Variants in DNAJB2 observed in about 807,000 individuals in gnomAD.
The protein encoded by DNAJB2 is DnaJ heat shock protein family (Hsp40) member B2, also known as dnaJ homolog subfamily B member 2.
DNAJB2 carries 19 observed loss-of-function variants against 33.3 expected under a neutral mutation model. The observed-to-expected ratio is 0.57, with a 90% CI of 0.40 to 0.84. DNAJB2 has a LOEUF of 0.84. Ranked by LOEUF, DNAJB2 falls within the 40% of genes least tolerant of loss-of-function variation. DNAJB2 has a pLI of 0.00. For missense variants in DNAJB2, 368 were observed against 430.9 expected (o/e 0.85, Z 1.29); for synonymous variants, 172 against 164.6 (o/e 1.04, Z -0.34).
Position 219,279,621 on chromosome 2 carries a change from G to T in DNAJB2, c.-37+103G>T. On this transcript the variant is annotated intron_variant, in intron 1 of 8. Coordinates refer to ENST00000336576, the MANE Select transcript of DNAJB2 (RefSeq NM_006736.6). The surrounding 1 kb of genome is among the most constrained non-coding windows in gnomAD (Gnocchi z 4.9). ...GGCCTGGGCGTCGAGATAGCTCTTG[G>T]CCCCGGCCTGCGGGGGCAGATAAGG... is the stretch of plus-strand genomic sequence containing the variant. The T allele has an allele frequency of 3.4e-6, 2 of 585,770 alleles. No individual in the cohort carries two copies. The highest frequency in any genetic ancestry group is 6.0e-6 in the Non-Finnish European group (2 of 331,734). 36.3% of individuals were successfully genotyped at this position (585,770 alleles called of 1,614,324 possible).
chr2:219,279,670 G>A lies in DNAJB2; in HGVS notation c.-36-128G>A. ...GGCTGCCGGAGGGAGCCTAGTCACCGGCCGCAAGCAGAGCCCGGTGTGCTC... is the reference window on the plus strand; with the variant it reads ...GGCTGCCGGAGGGAGCCTAGTCACCAGCCGCAAGCAGAGCCCGGTGTGCTC... On this transcript the variant is annotated intron_variant, in intron 1 of 8. Transcript: ENST00000336576. The surrounding 1 kb of genome is among the most constrained non-coding windows in gnomAD (Gnocchi z 4.9). The A allele has an allele frequency of 1.5e-6, 1 of 689,266 alleles. No individual in the cohort carries two copies. Among genetic ancestry groups the A allele is most frequent in the Non-Finnish European group, 2.4e-6 (1 of 417,240 alleles). The allele number at this position is 689,266 out of a possible 1,614,324, so 42.7% of individuals were successfully genotyped here. A position where few individuals can be genotyped will look rare whatever the true frequency, so the allele number is the denominator to read the frequency against.
At position 219,285,082 on chromosome 2, in the gene DNAJB2, G is replaced by T; in HGVS notation, c.*95G>T. The T allele has an allele frequency of 7.1e-7, 1 of 1,401,746 alleles. No homozygotes were observed. Among genetic ancestry groups the T allele is most frequent in the Non-Finnish European group, 9.3e-7 (1 of 1,070,792 alleles). The allele number at this position is 1,401,746 out of a possible 1,614,324, so 86.8% of individuals were successfully genotyped here. A position where few individuals can be genotyped will look rare whatever the true frequency, so the allele number is the denominator to read the frequency against. Reference sequence around the variant, plus strand: ...GGGAGTATCCTGAGTTGTAGGAACTGCTTTCCAACTCCAAGCTCCCTCCAC... The same window carrying T: ...GGGAGTATCCTGAGTTGTAGGAACTTCTTTCCAACTCCAAGCTCCCTCCAC... On this transcript the variant is annotated 3_prime_UTR_variant, in exon 9 of 9. Coordinates refer to ENST00000336576, the MANE Select transcript of DNAJB2 (RefSeq NM_006736.6).
rs1416423436 is a variant in DNAJB2 at position 219,280,587 on chromosome 2, C to T, written c.75C>T (p.Arg25=). The T allele has an allele frequency of 6.2e-7, 1 of 1,613,894 alleles. No homozygotes were observed. Among genetic ancestry groups the T allele is most frequent in the African/African-American group, 1.3e-5 (1 of 74,892 alleles). The change falls in exon 3 of 9, where the codon CGC becomes CGT. Residue 25 remains arginine, a synonymous_variant. Transcript: ENST00000336576. ...CACCCACTTTCTGCAGGTATCGGCGCAAGGCTCTCCAGTGGCACCCAGACA... is the reference window on the plus strand; with the variant it reads ...CACCCACTTTCTGCAGGTATCGGCGTAAGGCTCTCCAGTGGCACCCAGACA... ...SADDIKKAYR[R]KALQWHPDKN... is the part of the protein sequence containing the mutation.
chr2:219,279,430 A>C lies in DNAJB2; in HGVS notation c.-125A>C, dbSNP rs1020887628. The C allele has an allele frequency of 1.1e-5, 2 of 177,086 alleles. No individual in the cohort carries two copies. Among genetic ancestry groups the C allele is most frequent in the African/African-American group, 4.8e-5 (2 of 41,912 alleles). 11.0% of individuals were successfully genotyped at this position (177,086 alleles called of 1,614,324 possible). A position where few individuals can be genotyped will look rare whatever the true frequency, so the allele number is the denominator to read the frequency against. On this transcript the variant is annotated 5_prime_UTR_variant, in exon 1 of 9. Transcript: ENST00000336576. The surrounding 1 kb of genome is among the most constrained non-coding windows in gnomAD (Gnocchi z 4.9). Reference sequence around the variant, plus strand: ...CTGGGCCGGGCGCGTCCTACGCAGCAGCCGCGAGCCGGGCTGCGGGTGCCA... The same window carrying C: ...CTGGGCCGGGCGCGTCCTACGCAGCCGCCGCGAGCCGGGCTGCGGGTGCCA...
rs762419182 is a variant in DNAJB2, at chr2:219,284,817, G to A, written c.805G>A (p.Ala269Thr). 4.3e-6 allele frequency: 7 copies of A among 1,612,600 alleles called. No homozygotes were observed. The highest frequency in any genetic ancestry group is 5.9e-6 in the Non-Finnish European group (7 of 1,179,468). Residue 269 changes from alanine to threonine, a missense_variant, in exon 9 of 9, where the codon GCT becomes ACT. Transcript: ENST00000336576. ...MAYSLSEMEAAGKKPAGGREA... is the reference protein window; with the variant it reads ...MAYSLSEMEATGKKPAGGREA... ...CTACAGCCTGTCAGAGATGGAGGCA[G>A]CTGGGAAGAAACCCGCAGGTGGGCG...
Position 219,282,923 on chromosome 2 carries a change from C to T in DNAJB2, c.439C>T (p.His147Tyr). 1.9e-6 allele frequency: 3 copies of T among 1,599,456 alleles called. No individual in the cohort carries two copies. Among genetic ancestry groups the T allele is most frequent in the Non-Finnish European group, 2.6e-6 (3 of 1,174,518 alleles). ...FFTFSSSFPG[H>Y]SDFSSSSFSF... ...TACCTTCTCTTCCTCCTTCCCTGGGCACTCCGGTAAGTTCTGCCCCTTCCC... is the reference window on the plus strand; with the variant it reads ...TACCTTCTCTTCCTCCTTCCCTGGGTACTCCGGTAAGTTCTGCCCCTTCCC... The change falls in exon 6 of 9, where the codon CAC becomes TAC. Residue 147 changes from histidine (H) to tyrosine (Y), a missense_variant. Coordinates refer to ENST00000336576, the MANE Select transcript of DNAJB2 (RefSeq NM_006736.6).
At chr2:219,283,718 C>T (rs1469196283) in intron 8 of DNAJB2, among the ~76,000 whole-genome samples, 1 of 152,232 alleles carries the variant, frequency 6.6e-6, no homozygotes, top group East Asian at 1.9e-4. Flanking sequence ...AAGCACTTTA[C>T]TATTTTTAAA....
At chr2:219,280,118 T>C in intron 2 of DNAJB2, 1 of 583,450 alleles carries the variant, frequency 1.7e-6, no homozygotes, top group South Asian at 2.0e-5. Flanking sequence ...GGAGCTGCAC[T>C]GTGTTATGGG....
rs748906930 is a variant in DNAJB2 at position 219,284,868 on chromosome 2, C to T, written c.856C>T (p.Arg286Trp). The part of the protein sequence containing the change: ...GREAQHRRQG[R>W]PKAQHQDPGL... ...GGAGGCACAGCACCGACGGCAGGGGCGGCCCAAGGCCCAGCACCAAGATCC... is the reference window on the plus strand; with the variant it reads ...GGAGGCACAGCACCGACGGCAGGGGTGGCCCAAGGCCCAGCACCAAGATCC... Residue 286 changes from arginine to tryptophan, a missense_variant, in exon 9 of 9, where the codon CGG becomes TGG. Coordinates refer to ENST00000336576, the MANE Select transcript of DNAJB2 (RefSeq NM_006736.6). 5 of 1,608,656 alleles carry T rather than the reference C, an allele frequency of 3.1e-6. No individual in the cohort carries two copies. The African/African-American group carries it at 4.0e-5, about 13-fold the overall frequency.
Position 219,283,135 on chromosome 2 carries a change from T to A in DNAJB2, c.448T>A (p.Phe150Ile). Residue 150 changes from phenylalanine (F) to isoleucine (I), a missense_variant and splice_region_variant, in exon 7 of 9, where the codon TTC (phenylalanine) becomes ATC (isoleucine). By Grantham distance (21) the Phe-to-Ile change is conservative. Coordinates refer to ENST00000336576, the MANE Select transcript of DNAJB2 (RefSeq NM_006736.6). ...CTCCTCCCTTGTCCCGATGCCAGAT[T>A]TCTCCTCCTCATCTTTCTCCTTCAG... ...FSSSFPGHSDFSSSSFSFSPG... is the reference protein window; with the variant it reads ...FSSSFPGHSDISSSSFSFSPG... The A allele has an allele frequency of 6.2e-7, 1 of 1,614,198 alleles. No individual in the cohort carries two copies. The highest frequency in any genetic ancestry group is 8.5e-7 in the Non-Finnish European group (1 of 1,180,004).
At chr2:219,280,184 C>G (rs917518042) in intron 2 of DNAJB2, 4 of 538,956 alleles carry the variant, frequency 7.4e-6, no homozygotes, top group Non-Finnish European at 9.9e-6. Context: ...TTCCCCTCCC[C>G]TCCCCCTTCC....
At chr2:219,282,216 G>C in intron 5 of DNAJB2, 155 bp downstream of exon 5, 1 of 1,194,608 alleles carries the variant, frequency 8.4e-7, no homozygotes. Flanking sequence ...AGCCGGGACA[G>C]AACCTCACGT....
At chr2:219,281,792 C>T in intron 4 of DNAJB2, 21 bp downstream of exon 4, 1 of 1,613,920 alleles carries the variant, frequency 6.2e-7, no homozygotes, top group Non-Finnish European at 8.5e-7. Flanking sequence ...TGGTGAGGCC[C>T]AGGAATGGAG....
chr2:219,282,539 T>C, intron 5 of DNAJB2: 1 of 389,642 alleles, frequency 2.6e-6, no homozygotes, highest in Non-Finnish European at 4.6e-6. Flanking sequence ...AGAGCTGGAC[T>C]CCTAGCTGTG....
intron 8 of DNAJB2, among the ~76,000 whole-genome samples, chr2:219,284,143 G>A (rs147041018): frequency 6.6e-6 from 1 of 152,010 alleles, no homozygotes; most frequent in South Asian, 2.1e-4. Flanking sequence ...AGCCCAGCAC[G>A]ATTATGGCTC....
At chr2:219,280,928 C>T (rs1574899671) in intron 3 of DNAJB2, 1 of 511,204 alleles carries the variant, frequency 2.0e-6, no homozygotes, top group South Asian at 2.6e-5. Flanking sequence ...TGAGCTGAGC[C>T]TCCTGCGTGC....
chr2:219,281,874 A>C (rs932511883), intron 4 of DNAJB2, 65 bp from the exon 5 acceptor site: 1 of 1,586,480 alleles, frequency 6.3e-7, no homozygotes, highest in African/African-American at 1.7e-5. Flanking sequence ...GCTGTGCCTT[A>C]GGTGAGGTCC....
chr2:219,285,075 A>T lies in DNAJB2; in HGVS notation c.*88A>T. 1 of 1,409,192 alleles carries T rather than the reference A, an allele frequency of 7.1e-7. No homozygotes were observed. Among genetic ancestry groups the T allele is most frequent in the Non-Finnish European group, 9.3e-7 (1 of 1,074,544 alleles). The allele number at this position is 1,409,192 out of a possible 1,614,324, so 87.3% of individuals were successfully genotyped here. On this transcript the variant is annotated 3_prime_UTR_variant, in exon 9 of 9. Coordinates refer to ENST00000336576, the MANE Select transcript of DNAJB2 (RefSeq NM_006736.6). ...AGAAGAGGGGAGTATCCTGAGTTGT[A>T]GGAACTGCTTTCCAACTCCAAGCTC...
Position 219,283,468 on chromosome 2 carries a change from C to A in DNAJB2, c.598C>A (p.Leu200Met). Residue 200 changes from leucine (L) to methionine (M), a missense_variant, in exon 8 of 9, where the codon CTG becomes ATG. Coordinates refer to ENST00000336576, the MANE Select transcript of DNAJB2 (RefSeq NM_006736.6). ...GGTGGAAGTGGAGGAGGATGGGCAG[C>A]TGAAGTCAGTCACAATCAATGGTGA... ...ERVEVEEDGQ[L>M]KSVTINGVPD... The A allele has an allele frequency of 2.5e-6, 4 of 1,613,990 alleles. No individual in the cohort carries two copies. Among genetic ancestry groups the A allele is most frequent in the Non-Finnish European group, 3.4e-6 (4 of 1,179,948 alleles).
Sources: gnomAD v4.1 joint callset for allele counts (sites outside exome capture counted in the v4.1 genomes callset) on GRCh38, gnomAD v4.1.1 for gene constraint, Gnocchi (gnomAD v3.1) non-coding constraint, MANE v1.5 for transcripts, NCBI Gene and HGNC (gene_info 2026-07-23, HGNC 2026-07-21) for gene names.